GLIS3: variants seen among roughly 807,000 people sequenced by gnomAD.
GLIS3 encodes the protein zinc finger protein GLIS3.
In GLIS3, 53 loss-of-function variants were observed where a neutral mutation model predicts 78.6. The ratio of observed to expected loss-of-function variants is 0.67; its 90% CI spans 0.54 to 0.85. GLIS3 has a LOEUF of 0.85. Among genes scored for constraint, GLIS3 ranks in the 40% least tolerant of loss-of-function variants. The pLI, the probability that GLIS3 is intolerant of heterozygous loss-of-function variation, is 0.00. For synonymous variants in GLIS3, 684 were observed against 509.9 expected (o/e 1.34, Z -4.60); for missense variants, 1,703 against 1,231.1 (o/e 1.38, Z -5.74).
intron 6 of GLIS3, among the ~76,000 whole-genome samples, chr9:3,911,867 A>C (rs893435027): frequency 8.5e-5 from 13 of 152,170 alleles, no homozygotes; most frequent in African/African-American, 2.9e-4. Context: ...GTGTAGAAGC[A>C]CTGTTATCAC....
chr9:4,484,250 T>A, the GLIS3 span, among the ~76,000 whole-genome samples: 5 of 150,184 alleles, frequency 3.3e-5, no homozygotes, highest in African/African-American at 7.4e-5. Context: ...TTTTTTTTAT[T>A]TTTTTGAGAC....
chr9:4,151,924 G>A (rs1834713366), intron 2 of GLIS3: 1 of 153,484 alleles, frequency 6.5e-6, no homozygotes, highest in Admixed American at 6.6e-5. Context: ...TTACCCAAAG[G>A]ACTCTCATAA....
intron 8 of GLIS3, among the ~76,000 whole-genome samples, chr9:3,858,665 T>C (rs1330265671): frequency 1.3e-5 from 2 of 152,314 alleles, no homozygotes; most frequent in East Asian, 3.9e-4. Context: ...TAAACTATTC[T>C]AAGTAAAATA....
intron 8 of GLIS3, among the ~76,000 whole-genome samples, chr9:3,866,010 C>T (rs1820551879): frequency 6.6e-6 from 1 of 152,162 alleles, no homozygotes; most frequent in South Asian, 2.1e-4. Context: ...CCTGTCTTCC[C>T]ATGAAGTGGT....
the GLIS3 span, among the ~76,000 whole-genome samples, chr9:4,355,949 A>G: frequency 6.6e-6 from 1 of 152,186 alleles, no homozygotes; most frequent in African/African-American, 2.4e-5. Context: ...AGACATACAT[A>G]TTTATCAAAA....
intron 9 of GLIS3, among the ~76,000 whole-genome samples, chr9:3,852,357 C>G (rs529042227): frequency 2.0e-5 from 3 of 152,082 alleles, no homozygotes; most frequent in Non-Finnish European, 4.4e-5. Context: ...ATTAAAACCA[C>G]GAAGTTTTTG....
chr9:4,449,137 G>C, the GLIS3 span, among the ~76,000 whole-genome samples: 16 of 152,256 alleles, frequency 1.1e-4, no homozygotes, highest in African/African-American at 3.9e-4. Context: ...TTTTCCAACG[G>C]TCTTAGCAAA....
chr9:4,254,823 G>T (rs1368685719), intron 2 of GLIS3, among the ~76,000 whole-genome samples: 1 of 143,752 alleles, frequency 7.0e-6, no homozygotes, highest in Non-Finnish European at 1.5e-5. Flanking sequence ...CTGGCCAACA[G>T]AGCAAGACTA....
At chr9:4,098,659 T>C (rs1232922243) in intron 4 of GLIS3, among the ~76,000 whole-genome samples, 2 of 152,238 alleles carry the variant, frequency 1.3e-5, no homozygotes, top group South Asian at 2.1e-4. Flanking sequence ...TATTGAAATA[T>C]TCTGCCTCAT....
chr9:4,330,185 T>A (rs540642878), intron 2 of GLIS3, among the ~76,000 whole-genome samples: 1 of 152,336 alleles, frequency 6.6e-6, no homozygotes, highest in African/African-American at 2.4e-5. Context: ...ATTTGTGATG[T>A]CTGGATTTTG....
intron 4 of GLIS3, among the ~76,000 whole-genome samples, chr9:4,068,834 ATGTGTGTG>A (rs56232754): frequency 4.0e-5 from 6 of 149,812 alleles, no homozygotes; most frequent in South Asian, 4.3e-4. Context: ...GCATGTATGC[ATGTGTGTG>A]TGTGTGTGTG....
intron 4 of GLIS3, among the ~76,000 whole-genome samples, chr9:4,037,782 C>G (rs1293406704): frequency 6.6e-6 from 1 of 152,168 alleles, no homozygotes; most frequent in Non-Finnish European, 1.5e-5. Flanking sequence ...TTTGCAGTAT[C>G]TCTCCAAGAG....
chr9:4,451,998 C>G, the GLIS3 span, among the ~76,000 whole-genome samples: 1 of 151,896 alleles, frequency 6.6e-6, no homozygotes, highest in African/African-American at 2.4e-5. Flanking sequence ...TTCATCCCTG[C>G]GATGCAAGTC....
At chr9:4,111,050 C>G (rs1277372181) in intron 4 of GLIS3, among the ~76,000 whole-genome samples, 1 of 152,150 alleles carries the variant, frequency 6.6e-6, no homozygotes. Flanking sequence ...ATTTTCCACA[C>G]TGGTGCAGTC....
At chr9:4,485,505 C>G in the GLIS3 span, among the ~76,000 whole-genome samples, 2 of 152,288 alleles carry the variant, frequency 1.3e-5, no homozygotes, top group East Asian at 1.9e-4. Context: ...TCCTGACTAC[C>G]AAGTTATTCT....
intron 6 of GLIS3, among the ~76,000 whole-genome samples, chr9:3,902,359 A>G (rs1480961162): frequency 1.3e-5 from 2 of 152,260 alleles, no homozygotes; most frequent in East Asian, 1.9e-4. Flanking sequence ...GTTTTTAAAC[A>G]TTCTCTAGTA....
At position 4,089,956 on chromosome 9, in the gene GLIS3, A is replaced by G. The variant is rs764326; in HGVS notation, c.1710+27812T>C. Among the ~76,000 whole-genome samples, 369 of 152,190 alleles carry G rather than the reference A, an allele frequency of 2.4e-3. 1 individual carries two copies. The highest frequency in any genetic ancestry group is 8.3e-3 in the African/African-American group (346 of 41,536). ...TTGTTCAGACAAAGTGGTGCCTCCC[A>G]CTGTGTGCCATGCCCACGGCAGAGG... On this transcript the variant is annotated intron_variant, in intron 4 of 10. Coordinates refer to ENST00000381971, the MANE Select transcript of GLIS3 (RefSeq NM_001042413.2).
intron 4 of GLIS3, among the ~76,000 whole-genome samples, chr9:4,093,433 C>T (rs1588655742): frequency 1.3e-5 from 2 of 152,154 alleles, no homozygotes; most frequent in African/African-American, 2.4e-5. Context: ...CTCAGAGACT[C>T]GGTACTTCCT....
At chr9:4,339,731 T>G (rs796102006) in intron 2 of GLIS3, among the ~76,000 whole-genome samples, 26 of 100,826 alleles carry the variant, frequency 2.6e-4, no homozygotes, top group African/African-American at 9.2e-4. Flanking sequence ...TTTGGGAAGT[T>G]TGGTACAAAA....
Sources: allele counts gnomAD v4.1 joint callset (sites outside exome capture counted in the v4.1 genomes callset), GRCh38; gene constraint gnomAD v4.1.1; transcripts MANE v1.5; gene names NCBI Gene and HGNC (gene_info 2026-07-23, HGNC 2026-07-21).